The following FHIT variants were observed in gnomAD, a reference collection of about 807,000 sequenced individuals.
FHIT encodes bis(5'-adenosyl)-triphosphatase.
A neutral mutation model predicts 17.9 loss-of-function variants in FHIT; 19 were observed. That is an observed-to-expected ratio of 1.06 (90% CI 0.74 to 1.56). FHIT has a LOEUF of 1.56. Ranked by LOEUF, FHIT falls within the 40% of genes most tolerant of loss-of-function variation. FHIT has a pLI of 0.00. For missense variants in FHIT, 248 were observed against 189.2 expected, an observed-to-expected ratio of 1.31 and a Z score of -1.82; for synonymous variants, 81 against 69.7, an observed-to-expected ratio of 1.16 and a Z score of -0.81.
chr3:60,404,195 C>T (rs1304364441), intron 5 of FHIT, among the ~76,000 whole-genome samples: 1 of 152,176 alleles, frequency 6.6e-6, no homozygotes, highest in Non-Finnish European at 1.5e-5. Flanking sequence ...TCTTTCCTTG[C>T]TTTGTGTGTT....
chr3:60,328,550 C>G (rs1709814291), intron 5 of FHIT, among the ~76,000 whole-genome samples: 1 of 152,076 alleles, frequency 6.6e-6, no homozygotes. Flanking sequence ...AAAACCTGCC[C>G]CCATGATTCA....
At chr3:59,966,705 G>T (rs771169899) in intron 7 of FHIT, among the ~76,000 whole-genome samples, 1 of 152,122 alleles carries the variant, frequency 6.6e-6, no homozygotes, top group African/African-American at 2.4e-5. Context: ...CCTATATAGG[G>T]CACTTACCAT....
chr3:60,142,371 T>C (rs1329710226), intron 5 of FHIT, among the ~76,000 whole-genome samples: 2 of 152,240 alleles, frequency 1.3e-5, no homozygotes, highest in African/African-American at 4.8e-5. Flanking sequence ...TAACTACTAC[T>C]ATATTATTTG....
chr3:61,030,819 A>T (rs2032975652), intron 3 of FHIT, among the ~76,000 whole-genome samples: 1 of 152,112 alleles, frequency 6.6e-6, no homozygotes, highest in Non-Finnish European at 1.5e-5. Context: ...GCTGCCCGGG[A>T]TGGGGGCAGG....
intron 5 of FHIT, among the ~76,000 whole-genome samples, chr3:60,361,085 G>GAT (rs1483093570): frequency 6.6e-6 from 1 of 152,176 alleles, no homozygotes; most frequent in African/African-American, 2.4e-5. Flanking sequence ...ACTACTCAGT[G>GAT]ATATATTCAT....
intron 5 of FHIT, among the ~76,000 whole-genome samples, chr3:60,499,565 G>C (rs1468136514): frequency 2.6e-5 from 4 of 152,098 alleles, no homozygotes; most frequent in Non-Finnish European, 5.9e-5. Flanking sequence ...CTAATATTTT[G>C]TATCTTTAGT....
At position 60,873,413 on chromosome 3, in the gene FHIT, G is replaced by A. The variant is rs79417048; in HGVS notation, c.-110-51402C>T. ...AGTCTTACAAAAGTAAGCACTCAGC[G>A]CCGTCCCAGGGAGCTGTGGATTTGC... is the stretch of plus-strand genomic sequence containing the variant. On this transcript the variant is annotated intron_variant, in intron 3 of 9. Coordinates refer to ENST00000492590, the MANE Select transcript of FHIT (RefSeq NM_002012.4). Among the ~76,000 whole-genome samples, 1,063 of 152,296 alleles carry A rather than the reference G, an allele frequency of 7.0e-3. 7 individuals carry two copies. The highest frequency in any genetic ancestry group is 0.025 in the African/African-American group (1,021 of 41,572).
chr3:61,149,904 A>G (rs185875992), intron 2 of FHIT, among the ~76,000 whole-genome samples: 10 of 152,254 alleles, frequency 6.6e-5, no homozygotes, highest in Admixed American at 3.9e-4. Flanking sequence ...TAAACTGGAC[A>G]AGATGCAGAG....
At chr3:60,108,470 CCT>C (rs1232183574) in intron 5 of FHIT, among the ~76,000 whole-genome samples, 4 of 152,198 alleles carry the variant, frequency 2.6e-5, no homozygotes, top group African/African-American at 4.8e-5. Flanking sequence ...AGTACCCACC[CCT>C]GTGTCCCACC....
intron 5 of FHIT, among the ~76,000 whole-genome samples, chr3:60,438,099 G>T (rs1351412695): frequency 6.6e-6 from 1 of 151,966 alleles, no homozygotes; most frequent in Non-Finnish European, 1.5e-5. Context: ...TGGCAACTGT[G>T]GCAACCGTAC....
intron 5 of FHIT, among the ~76,000 whole-genome samples, chr3:60,521,726 C>T (rs1055374497): frequency 6.6e-6 from 1 of 152,130 alleles, no homozygotes; most frequent in Non-Finnish European, 1.5e-5. Flanking sequence ...AATAAATGAC[C>T]TAAGTTTCCC....
chr3:60,565,743 T>C (rs2037112189), intron 4 of FHIT, among the ~76,000 whole-genome samples: 1 of 152,180 alleles, frequency 6.6e-6, no homozygotes, highest in South Asian at 2.1e-4. Flanking sequence ...TGAAGGGTTT[T>C]TTGTGTCTCT....
At chr3:59,846,646 AAATATATTTACC>A (rs1186127782) in intron 8 of FHIT, among the ~76,000 whole-genome samples, 1 of 152,154 alleles carries the variant, frequency 6.6e-6, no homozygotes, top group East Asian at 1.9e-4. Flanking sequence ...TTCTACTTAC[AAATATATTTACC>A]AATACAAAGA....
chr3:60,696,206 C>G (rs1418551784), intron 4 of FHIT, among the ~76,000 whole-genome samples: 2 of 152,110 alleles, frequency 1.3e-5, no homozygotes, highest in African/African-American at 4.8e-5. Flanking sequence ...ACAGGTCTTA[C>G]AAAACACTGA....
chr3:60,845,422 G>A (rs782528635), intron 3 of FHIT, among the ~76,000 whole-genome samples: 7 of 152,068 alleles, frequency 4.6e-5, no homozygotes, highest in South Asian at 2.1e-4. Context: ...GAGAGACAAC[G>A]TCTGGCTTCT....
intron 4 of FHIT, among the ~76,000 whole-genome samples, chr3:60,748,555 T>C (rs1553715977): frequency 6.6e-6 from 1 of 152,184 alleles, no homozygotes; most frequent in Non-Finnish European, 1.5e-5. Context: ...CTCACACCTG[T>C]AATCCCAGCA....
chr3:60,250,001 T>G (rs1705612677), intron 5 of FHIT, among the ~76,000 whole-genome samples: 1 of 152,260 alleles, frequency 6.6e-6, no homozygotes, highest in East Asian at 1.9e-4. Flanking sequence ...ATGGGGAAAC[T>G]GCCCCCACGA....
intron 3 of FHIT, among the ~76,000 whole-genome samples, chr3:60,830,088 CCTT>C (rs1270106242): frequency 2.0e-5 from 3 of 152,032 alleles, no homozygotes; most frequent in Admixed American, 1.3e-4. Context: ...TCCCCCATAC[CCTT>C]CTTTTTTTTC....
intron 3 of FHIT, among the ~76,000 whole-genome samples, chr3:60,932,457 G>A (rs782373808): frequency 2.0e-5 from 3 of 152,084 alleles, no homozygotes; most frequent in Admixed American, 2.0e-4. Flanking sequence ...TAAGACAATG[G>A]CAGGCAGCAT....
Sources: gnomAD v4.1 joint callset for allele counts (sites outside exome capture counted in the v4.1 genomes callset) on GRCh38, gnomAD v4.1.1 for gene constraint, MANE v1.5 for transcripts, NCBI Gene and HGNC (gene_info 2026-07-23, HGNC 2026-07-21) for gene names.